The following LRFN2 variants were observed in gnomAD, a reference collection of about 807,000 sequenced individuals.
The protein encoded by LRFN2 is leucine rich repeat and fibronectin type III domain containing 2.
A neutral mutation model predicts 37.3 loss-of-function variants in LRFN2; 18 were observed. That is an observed-to-expected ratio of 0.48 (90% CI 0.33 to 0.72). The LOEUF (loss-of-function observed/expected upper bound fraction) is 0.72. Ranked by LOEUF, LRFN2 falls within the 30% of genes least tolerant of loss-of-function variation. The pLI is 0.02. For synonymous variants in LRFN2, 556 were observed against 466.6 expected (o/e 1.19, Z -2.47); for missense variants, 1,006 against 1,060.7 (o/e 0.95, Z 0.72).
chr6:40,403,633 C>T (rs866100210), intron 2 of LRFN2, among the ~76,000 whole-genome samples: 1 of 152,162 alleles, frequency 6.6e-6, no homozygotes, highest in Non-Finnish European at 1.5e-5. Context: ...CAGGTGTACC[C>T]GGACATCCAC....
chr6:40,529,140 T>C (rs1766305529), intron 1 of LRFN2, among the ~76,000 whole-genome samples: 1 of 151,958 alleles, frequency 6.6e-6, no homozygotes, highest in African/African-American at 2.4e-5. Flanking sequence ...AAGCCTAAGC[T>C]CGGGAGGAAA....
intron 2 of LRFN2, among the ~76,000 whole-genome samples, chr6:40,398,691 TA>T (rs2113794962): frequency 6.6e-6 from 1 of 151,962 alleles, no homozygotes; most frequent in East Asian, 1.9e-4. Flanking sequence ...TCCAGTGCGT[TA>T]AATTTAATTA....
chr6:40,432,625 G>A lies in LRFN2; in HGVS notation c.489C>T (p.Gly163=), dbSNP rs1040952444. The change falls in exon 2 of 3, where the codon GGC becomes GGT. Residue 163 remains glycine, a synonymous_variant. Transcript: ENST00000338305. ...DLDLSYNNLH[G]LPWDSVRRMV... ...TGCGTCGCACGGAGTCCCACGGCAGGCCATGGAGGTTGTTGTAGGAGAGGT... is the reference window on the plus strand; with the variant it reads ...TGCGTCGCACGGAGTCCCACGGCAGACCATGGAGGTTGTTGTAGGAGAGGT... The A allele has an allele frequency of 1.9e-6, 3 of 1,614,208 alleles. No individual in the cohort carries two copies. Among genetic ancestry groups the A allele is most frequent in the Non-Finnish European group, 1.7e-6 (2 of 1,180,042 alleles).
At chr6:40,425,337 G>C (rs1468646655) in intron 2 of LRFN2, among the ~76,000 whole-genome samples, 1 of 152,230 alleles carries the variant, frequency 6.6e-6, no homozygotes. Flanking sequence ...GAGCATGCCT[G>C]CTCTTCCCCT....
chr6:40,415,127 G>C lies in LRFN2; in HGVS notation c.1400+16587C>G, dbSNP rs79159294. 6.9e-3 allele frequency among the ~76,000 whole-genome samples: 1,044 copies of C among 152,286 alleles called. 33 individuals are homozygous for C. The highest frequency in any genetic ancestry group is 0.051 in the Admixed American group (778 of 15,298). ...AGAGACCCACCCCAGACAACTTTCT[G>C]CTCCAGAGACAGAAAAACATGCCAG... On this transcript the variant is annotated intron_variant, in intron 2 of 2. Coordinates refer to ENST00000338305, the MANE Select transcript of LRFN2 (RefSeq NM_020737.3).
At chr6:40,458,943 G>T (rs138305832) in intron 1 of LRFN2, among the ~76,000 whole-genome samples, 1 of 152,190 alleles carries the variant, frequency 6.6e-6, no homozygotes, top group African/African-American at 2.4e-5. Flanking sequence ...ATACACTTCC[G>T]TCTTATTTAA....
chr6:40,424,739 C>T (rs934271566), intron 2 of LRFN2, among the ~76,000 whole-genome samples: 22 of 152,156 alleles, frequency 1.4e-4, no homozygotes, highest in Admixed American at 1.4e-3. Flanking sequence ...CAGGAGAATC[C>T]AGACCCTCTT....
rs760261154 is a variant in LRFN2 at position 40,392,678 on chromosome 6, C to T, written c.1635G>A (p.Thr545=). 8.1e-6 allele frequency: 13 copies of T among 1,613,774 alleles called. No individual in the cohort carries two copies. In the Admixed American group the frequency reaches 1.2e-4, roughly 14 times the overall value. The change falls in exon 3 of 3, where the codon ACG becomes ACA. Residue 545 remains threonine (T), a synonymous_variant. Transcript: ENST00000338305. This position sits in a 1 kb window ranked among gnomAD's most constrained non-coding sequence, Gnocchi z 4.7. ...ILVIGGIIVA[T]LLVFIVILMV... ...TGAGGATGACGATGAAGACCAGCAGCGTGGCCACGATGATGCCCCCGATGA... is the reference window on the plus strand; with the variant it reads ...TGAGGATGACGATGAAGACCAGCAGTGTGGCCACGATGATGCCCCCGATGA...
chr6:40,485,479 C>T lies in LRFN2; in HGVS notation c.-18-52348G>A, dbSNP rs552580227. Among the ~76,000 whole-genome samples the T allele has an allele frequency of 8.5e-5, 13 of 152,254 alleles. No individual in the cohort carries two copies. The South Asian group carries it at 2.7e-3, about 32-fold the overall frequency. ...GTAATCAGTTCATTAGAAATTTACT[C>T]AATATGTTTGCTGTCTGCAGCTGGG... On this transcript the variant is annotated intron_variant, in intron 1 of 2. Transcript: ENST00000338305.
Position 40,392,235 on chromosome 6 carries a change from G to A in LRFN2, c.2078C>T (p.Ser693Leu), listed in dbSNP as rs369739868. The A allele has an allele frequency of 2.3e-5, 36 of 1,573,208 alleles. No individual in the cohort carries two copies. Among genetic ancestry groups the A allele is most frequent in the Non-Finnish European group, 3.1e-5 (36 of 1,162,222 alleles). Residue 693 changes from serine to leucine, a missense_variant, in exon 3 of 3, where the codon TCG becomes TTG. Around this residue, in one of 4 missense-constraint regions of LRFN2, gnomAD observed 398 missense variants for 327.6 expected, o/e 1.21. Coordinates refer to ENST00000338305, the MANE Select transcript of LRFN2 (RefSeq NM_020737.3). This position sits in a 1 kb window ranked among gnomAD's most constrained non-coding sequence, Gnocchi z 4.7. ...GGGCCCCAGCAGTGGCTCTCGGTCCGAGTGGTGGCCCCGGGCCGACGTCCC... is the reference window on the plus strand; with the variant it reads ...GGGCCCCAGCAGTGGCTCTCGGTCCAAGTGGTGGCCCCGGGCCGACGTCCC... ...GAGTSARGHH[S>L]DREPLLGPPA... is the part of the protein sequence containing the mutation.
chr6:40,531,908 C>G (rs1766351080), intron 1 of LRFN2, among the ~76,000 whole-genome samples: 1 of 152,186 alleles, frequency 6.6e-6, no homozygotes, highest in Admixed American at 6.5e-5. Context: ...ACCCCACTAG[C>G]CCCTGGCACC....
intron 1 of LRFN2, among the ~76,000 whole-genome samples, chr6:40,495,274 C>A (rs1166460325): frequency 6.6e-6 from 1 of 152,186 alleles, no homozygotes; most frequent in African/African-American, 2.4e-5. Flanking sequence ...CCTATGCTAC[C>A]AGCTGACCTG....
intron 1 of LRFN2, among the ~76,000 whole-genome samples, chr6:40,574,819 C>T (rs141485743): frequency 0.011 from 1,656 of 152,222 alleles, 13 homozygotes; most frequent in Middle Eastern, 0.034. Flanking sequence ...CTGCACTCTG[C>T]CAAGGATGGC....
At chr6:40,406,579 C>T (rs111335654) in intron 2 of LRFN2, among the ~76,000 whole-genome samples, 97 of 152,312 alleles carry the variant, frequency 6.4e-4, no homozygotes, top group Middle Eastern at 3.4e-3. Context: ...AGCAGGCCCA[C>T]CTGGCTGTCA....
At chr6:40,506,291 G>C (rs548921769) in intron 1 of LRFN2, among the ~76,000 whole-genome samples, 2 of 152,128 alleles carry the variant, frequency 1.3e-5, no homozygotes, top group African/African-American at 4.8e-5. Context: ...AAAACCATCC[G>C]GGTGGATTTC....
At chr6:40,394,465 A>C (rs768072315) in intron 2 of LRFN2, among the ~76,000 whole-genome samples, 2 of 152,168 alleles carry the variant, frequency 1.3e-5, no homozygotes, top group Non-Finnish European at 2.9e-5. Flanking sequence ...TAAGATCTCA[A>C]ATATGAAATA....
intron 1 of LRFN2, among the ~76,000 whole-genome samples, chr6:40,554,283 G>A (rs565746521): frequency 5.9e-5 from 9 of 152,278 alleles, no homozygotes; most frequent in African/African-American, 2.2e-4. Flanking sequence ...AGTTTTGGAG[G>A]CCTTTATATA....
chr6:40,542,486 C>T (rs112558217), intron 1 of LRFN2, among the ~76,000 whole-genome samples: 15 of 151,618 alleles, frequency 9.9e-5, no homozygotes, highest in African/African-American at 2.4e-4. Flanking sequence ...TGCAGAGCAC[C>T]GAGATACACA....
At chr6:40,450,847 T>C (rs1312244381) in intron 1 of LRFN2, among the ~76,000 whole-genome samples, 2 of 152,186 alleles carry the variant, frequency 1.3e-5, no homozygotes, top group Admixed American at 6.5e-5. Flanking sequence ...ATGAGTATTA[T>C]CTCGAGGAGT....
Sources: allele counts gnomAD v4.1 joint callset (sites outside exome capture counted in the v4.1 genomes callset), GRCh38; gene constraint gnomAD v4.1.1; regional missense constraint gnomAD v4.1.1; non-coding constraint Gnocchi (gnomAD v3.1); transcripts MANE v1.5; gene names NCBI Gene and HGNC (gene_info 2026-07-23, HGNC 2026-07-21).